The following PRR14L variants were observed in gnomAD, a reference collection of about 807,000 sequenced individuals.
PRR14L encodes the protein proline rich 14 like.
A neutral mutation model predicts 155.0 loss-of-function variants in PRR14L; 80 were observed. The observed-to-expected ratio is 0.52, with a 90% CI of 0.43 to 0.62. PRR14L has a LOEUF of 0.62. Ranked by LOEUF, PRR14L falls within the 20% of genes least tolerant of loss-of-function variation. The pLI, the probability that PRR14L is intolerant of heterozygous loss-of-function variation, is 0.00. For missense variants in PRR14L, 2,469 were observed against 2,548.0 expected, an observed-to-expected ratio of 0.97 and a Z score of 0.67; for synonymous variants, 883 against 916.0, an observed-to-expected ratio of 0.96 and a Z score of 0.65.
chr22:31,704,376 CAT>C (rs549746505), intron 5 of PRR14L: 55 of 278,498 alleles, frequency 2.0e-4, no homozygotes, highest in African/African-American at 1.1e-3. Context: ...GCTGTTAAGA[CAT>C]GAAATAGCTT....
chr22:31,719,403 G>A (rs1482607207), intron 3 of PRR14L, among the ~76,000 whole-genome samples: 7 of 149,478 alleles, frequency 4.7e-5, no homozygotes, highest in African/African-American at 1.5e-4. Context: ...CAGAGTAAGC[G>A]ACCTTGTCTC....
In PRR14L at chr22:31,703,665, G is replaced by T. The variant is rs1398025569; in HGVS notation, c.5885C>A (p.Ala1962Asp). 1.2e-6 allele frequency: 2 copies of T among 1,611,924 alleles called. No individual in the cohort carries two copies. The highest frequency in any genetic ancestry group is 8.5e-7 in the Non-Finnish European group (1 of 1,178,848). Residue 1962 changes from alanine to aspartate, a missense_variant, in exon 6 of 9, where the codon GCT becomes GAT. Around this residue, in one of 2 missense-constraint regions of PRR14L, gnomAD observed 2,363 missense variants for 2,371.6 expected, o/e 1.00. Transcript: ENST00000327423. ...GGCTGAAAGCAGGAGCTTGCTGACA[G>T]CTGATTCTGCTACCAAGCAAGACTT... ...VPKSCLVAES[A>D]VSKLLLSASE...
intron 7 of PRR14L, among the ~76,000 whole-genome samples, chr22:31,701,369 A>G (rs1271957675): frequency 6.6e-6 from 1 of 152,124 alleles, no homozygotes. Flanking sequence ...TAGGAGCTTG[A>G]GCTCTGGGGT....
At chr22:31,721,597 T>A (rs189301549) in intron 3 of PRR14L, among the ~76,000 whole-genome samples, 1 of 152,066 alleles carries the variant, frequency 6.6e-6, no homozygotes, top group Non-Finnish European at 1.5e-5. Flanking sequence ...CTGTTGCCGT[T>A]TTAGCTAATT....
In PRR14L at chr22:31,683,706, T is replaced by C. The variant is rs1396156116; in HGVS notation, c.*1821A>G. 1 of 152,250 alleles carries C rather than the reference T, an allele frequency of 6.6e-6. No homozygotes were observed. The highest frequency in any genetic ancestry group is 1.5e-5 in the Non-Finnish European group (1 of 68,098). 9.4% of individuals were successfully genotyped at this position (152,250 alleles called of 1,614,324 possible). On this transcript the variant is annotated 3_prime_UTR_variant, in exon 9 of 9. Coordinates refer to ENST00000327423, the MANE Select transcript of PRR14L (RefSeq NM_173566.3). ...TGTCTGAGGCAGTGGGCCTAGAACA[T>C]AGCCGTGGCACACTTTTCCCTCTGG...
Position 31,716,472 on chromosome 22 carries a change from G to C in PRR14L, c.1367C>G (p.Ser456Cys). The C allele has an allele frequency of 6.4e-7, 1 of 1,550,626 alleles. No homozygotes were observed. The highest frequency in any genetic ancestry group is 8.7e-7 in the Non-Finnish European group (1 of 1,146,440). The change falls in exon 4 of 9, where the codon TCT (serine) becomes TGT (cysteine). Residue 456 changes from serine (S) to cysteine (C), a missense_variant. By Grantham distance (112) the Ser-to-Cys change is moderately radical. Transcript: ENST00000327423. Reference protein sequence around the residue: ...CIQDSLHTGNSSSLMPNSFTE... With the variant: ...CIQDSLHTGNCSSLMPNSFTE... ...AAAAGAATTGGGCATTAAAGAACTA[G>C]AGTTCCCTGTATGGAGACTGTCTTG...
chr22:31,735,887 T>C (rs1026574930), intron 2 of PRR14L, among the ~76,000 whole-genome samples: 4 of 151,460 alleles, frequency 2.6e-5, no homozygotes, highest in Admixed American at 6.6e-5. Flanking sequence ...TGTCTCTATT[T>C]AAAAAATACC....
At chr22:31,698,794 C>T (rs921132387) in intron 7 of PRR14L, among the ~76,000 whole-genome samples, 10 of 150,562 alleles carry the variant, frequency 6.6e-5, no homozygotes, top group Admixed American at 5.3e-4. Flanking sequence ...TACTGGCGGG[C>T]GCCTGTAGTC....
Position 31,704,593 on chromosome 22 carries a change from ACT to A in PRR14L, c.5828+60_5828+61del, listed in dbSNP as rs1370714533. 72 of 1,379,506 alleles carry A rather than the reference ACT, an allele frequency of 5.2e-5. 1 individual carries two copies. Among genetic ancestry groups the A allele is most frequent in the South Asian group, 3.3e-4 (28 of 85,602 alleles). The allele number at this position is 1,379,506 out of a possible 1,614,324, so 85.5% of individuals were successfully genotyped here. ...GACGATCCACACCACCTATGTATGC[ACT>A]CTCTCTCTTGCACACACACACGCAC... On this transcript the variant is annotated intron_variant, in intron 5 of 8. Transcript: ENST00000327423.
At chr22:31,704,565 A>C in intron 5 of PRR14L, 90 bp downstream of exon 5, 2 of 1,014,732 alleles carry the variant, frequency 2.0e-6, no homozygotes, top group South Asian at 2.8e-5. Flanking sequence ...AAGTCATGCC[A>C]CAGACGATCC....
intron 2 of PRR14L, among the ~76,000 whole-genome samples, chr22:31,736,895 G>T (rs1320934859): frequency 6.6e-6 from 1 of 151,618 alleles, no homozygotes; most frequent in Non-Finnish European, 1.5e-5. Context: ...TAAATTAGCC[G>T]GGCGTGGTGG....
rs2074574703 is a variant in PRR14L at position 31,703,690 on chromosome 22, T to C, written c.5860A>G (p.Lys1954Glu). ...GCTGATTCTGCTACCAAGCAAGACT[T>C]TGGTACCAAGGCAGGGAATGGAGGC... Reference protein sequence around the residue: ...LEPPFPALVPKSCLVAESAVS... With the variant: ...LEPPFPALVPESCLVAESAVS... The change falls in exon 6 of 9, where the codon AAG becomes GAG. Residue 1954 changes from lysine to glutamate, a missense_variant. Physicochemically the swap from Lys to Glu is moderately conservative, Grantham distance 56. Transcript: ENST00000327423. The C allele has an allele frequency of 1.9e-6, 3 of 1,604,382 alleles. No individual in the cohort carries two copies. Among genetic ancestry groups the C allele is most frequent in the Non-Finnish European group, 2.6e-6 (3 of 1,174,662 alleles).
chr22:31,714,365 A>G lies in PRR14L; in HGVS notation c.3474T>C (p.Ser1158=), dbSNP rs1387774006. ...CPDSCAHEME[S]VADHEPNKRI... is the part of the protein sequence containing the mutation. ...TTTTATTTGGTTCATGATCTGCAAC[A>G]GACTCCATCTCATGGGCACAAGAGT... The change falls in exon 4 of 9, where the codon TCT becomes TCC. Residue 1158 remains serine (S), a synonymous_variant. Transcript: ENST00000327423. 6.4e-7 allele frequency: 1 copy of G among 1,551,738 alleles called. No homozygotes were observed. Among genetic ancestry groups the G allele is most frequent in the East Asian group, 2.4e-5 (1 of 40,930 alleles).
rs545759652 is a variant in PRR14L, at chr22:31,697,235, G to A, written c.6107+4421C>T. On this transcript the variant is annotated intron_variant, in intron 7 of 8. Transcript: ENST00000327423. ...GAGAATCACTGGAACCCAGGAGGTG[G>A]AGGTTGCAGTGAGCCAAAACTGCAC... 9.3e-5 allele frequency among the ~76,000 whole-genome samples: 14 copies of A among 150,924 alleles called. No homozygotes were observed. In the East Asian group the frequency reaches 2.7e-3, roughly 29 times the overall value.
intron 7 of PRR14L, among the ~76,000 whole-genome samples, chr22:31,695,854 A>G (rs2147854676): frequency 6.6e-6 from 1 of 152,120 alleles, no homozygotes; most frequent in African/African-American, 2.4e-5. Flanking sequence ...CCTTAACCCG[A>G]GTGTACCCTT....
At position 31,712,744 on chromosome 22, in the gene PRR14L, T is replaced by C. The variant is rs1471733007; in HGVS notation, c.5095A>G (p.Thr1699Ala). The C allele has an allele frequency of 1.3e-6, 2 of 1,551,822 alleles. No homozygotes were observed. The highest frequency in any genetic ancestry group is 1.7e-6 in the Non-Finnish European group (2 of 1,147,026). ...ALYSLESIKMTFIDLSNKMPS... is the reference protein window; with the variant it reads ...ALYSLESIKMAFIDLSNKMPS... ...ATCTTGTTGCTCAAATCTATGAAGG[T>C]CATCTTGATGGATTCGAGAGAATAA... Residue 1699 changes from threonine (T) to alanine (A), a missense_variant, in exon 4 of 9, where the codon ACC becomes GCC. Transcript: ENST00000327423.
rs1365885792 is a variant in PRR14L, at chr22:31,685,566, A to C, written c.6417T>G (p.Phe2139Leu). The C allele has an allele frequency of 6.4e-7, 1 of 1,552,030 alleles. No individual in the cohort carries two copies. The highest frequency in any genetic ancestry group is 2.0e-5 in the Admixed American group (1 of 50,980). Reference protein sequence around the residue: ...IQKLMELETFFAKEEEQEQSS... With the variant: ...IQKLMELETFLAKEEEQEQSS... ...ATTGTTCCTGCTCCTCTTCCTTGGC[A>C]AAGAAGGTCTCCAGTTCCATTAGTT... The change falls in exon 9 of 9, where the codon TTT (phenylalanine) becomes TTG (leucine). Residue 2139 changes from phenylalanine to leucine, a missense_variant. Transcript: ENST00000327423.
rs1253291389 is a variant in PRR14L, at chr22:31,715,140, T to C, written c.2699A>G (p.Glu900Gly). The change falls in exon 4 of 9, where the codon GAG becomes GGG. Residue 900 changes from glutamate (E) to glycine (G), a missense_variant. Physicochemically the swap from Glu to Gly is moderately conservative, Grantham distance 98. Around this residue, in one of 2 missense-constraint regions of PRR14L, gnomAD observed 2,363 missense variants for 2,371.6 expected, o/e 1.00. Transcript: ENST00000327423. Reference sequence around the variant, plus strand: ...CTGCTCCTTTCCTTCCAGCCCTTCCTCACTGAGTTTGATGCTACTGGAGGT... The same window carrying C: ...CTGCTCCTTTCCTTCCAGCCCTTCCCCACTGAGTTTGATGCTACTGGAGGT... ...IHTSSSIKLSEEGLEGKEQDV... is the reference protein window; with the variant it reads ...IHTSSSIKLSGEGLEGKEQDV... The C allele has an allele frequency of 6.4e-7, 1 of 1,551,888 alleles. No individual in the cohort carries two copies. The highest frequency in any genetic ancestry group is 8.7e-7 in the Non-Finnish European group (1 of 1,147,030).
Position 31,725,627 on chromosome 22 carries a change from C to T in PRR14L, c.475-17G>A. On this transcript the variant is annotated splice_polypyrimidine_tract_variant and intron_variant, in intron 2 of 8. Transcript: ENST00000327423. ...GAGATCCTCCTACAGTAAGAAAATC[C>T]AGTGGTCAAGGGGGATTCAGAAGAT... 6.6e-7 allele frequency: 1 copy of T among 1,507,568 alleles called. No homozygotes were observed. Among genetic ancestry groups the T allele is most frequent in the South Asian group, 1.2e-5 (1 of 83,056 alleles). 93.4% of individuals were successfully genotyped at this position (1,507,568 alleles called of 1,614,324 possible).
Sources: allele counts gnomAD v4.1 joint callset (sites outside exome capture counted in the v4.1 genomes callset), GRCh38; gene constraint gnomAD v4.1.1; regional missense constraint gnomAD v4.1.1; transcripts MANE v1.5; gene names NCBI Gene and HGNC (gene_info 2026-07-23, HGNC 2026-07-21).